The following OSBPL10 variants were observed in gnomAD, a reference collection of about 807,000 sequenced individuals.
The protein encoded by OSBPL10 is oxysterol-binding protein-related protein 10.
In OSBPL10, 49 loss-of-function variants were observed where a neutral mutation model predicts 81.7. The observed-to-expected ratio is 0.60, with a 90% CI of 0.48 to 0.76. The LOEUF (loss-of-function observed/expected upper bound fraction) is 0.76, where lower values mean the gene tolerates loss of function less well. Among genes scored for constraint, OSBPL10 ranks in the 30% least tolerant of loss-of-function variants. OSBPL10 has a pLI of 0.00. For synonymous variants in OSBPL10, 419 were observed against 383.6 expected (o/e 1.09, Z -1.08); for missense variants, 923 against 987.8 (o/e 0.93, Z 0.88).
chr3:31,852,236 G>T (rs1307246193), intron 3 of OSBPL10, among the ~76,000 whole-genome samples: 7 of 152,098 alleles, frequency 4.6e-5, no homozygotes, highest in Non-Finnish European at 1.0e-4. Flanking sequence ...TCTCAATGAG[G>T]GTGACTGTGC....
intron 2 of OSBPL10, among the ~76,000 whole-genome samples, chr3:32,010,639 G>A (rs914658464): frequency 6.6e-5 from 10 of 152,334 alleles, no homozygotes; most frequent in African/African-American, 1.4e-4. Context: ...GAAGCAGGGC[G>A]AGGCATCACT....
chr3:31,679,693 T>G (rs75040888), intron 8 of OSBPL10, among the ~76,000 whole-genome samples: 4,250 of 152,252 alleles, frequency 0.028, 200 homozygotes, highest in African/African-American at 0.096. Context: ...GGAATAAAAT[T>G]AAATAGAATG....
rs1017097403 is a variant in OSBPL10 at position 31,802,656 on chromosome 3, C to A, written c.729+27384G>T. ...TTCCCCTTCTTTTCAACAATTCCGG[C>A]CTGCCTCCAGCTCTTAGTAGGGCAT... On this transcript the variant is annotated intron_variant, in intron 4 of 11. Coordinates refer to ENST00000396556, the MANE Select transcript of OSBPL10 (RefSeq NM_017784.5). Among the ~76,000 whole-genome samples, 5 of 152,072 alleles carry A rather than the reference C, an allele frequency of 3.3e-5. No homozygotes were observed. In the East Asian group the frequency reaches 5.8e-4, roughly 18 times the overall value.
intron 5 of OSBPL10, among the ~76,000 whole-genome samples, chr3:31,744,551 A>AAAAAAAAAAAAAT (rs1697460892): frequency 1.3e-5 from 2 of 148,582 alleles, no homozygotes; most frequent in Non-Finnish European, 3.0e-5. Flanking sequence ...AAAAAAAAAA[A>AAAAAAAAAAAAAT]GGAAAGAAAG....
intron 3 of OSBPL10, among the ~76,000 whole-genome samples, chr3:31,834,095 G>A (rs1385398788): frequency 6.6e-6 from 1 of 152,150 alleles, no homozygotes; most frequent in Non-Finnish European, 1.5e-5. Context: ...AAGAACAAGT[G>A]AGAAAAGGCA....
chr3:32,073,014 G>A (rs952904972), intron 1 of OSBPL10, among the ~76,000 whole-genome samples: 1 of 152,238 alleles, frequency 6.6e-6, no homozygotes, highest in South Asian at 2.1e-4. Context: ...TTCAGGAAAG[G>A]TAGAACAGAC....
At chr3:32,029,796 C>T (rs1335590401) in intron 2 of OSBPL10, among the ~76,000 whole-genome samples, 1 of 152,144 alleles carries the variant, frequency 6.6e-6, no homozygotes, top group African/African-American at 2.4e-5. Context: ...GCCAGAGAAA[C>T]CACGTAAAGA....
chr3:32,074,185 C>G (rs1228012420), intron 1 of OSBPL10, among the ~76,000 whole-genome samples: 1 of 152,162 alleles, frequency 6.6e-6, no homozygotes, highest in Admixed American at 6.5e-5. Flanking sequence ...GCCTGAGGAA[C>G]TTCTTTACTT....
chr3:31,816,084 G>A (rs141691202), intron 4 of OSBPL10, among the ~76,000 whole-genome samples: 31 of 127,334 alleles, frequency 2.4e-4, no homozygotes, highest in Non-Finnish European at 4.3e-4. Flanking sequence ...TAATCGTCAG[G>A]AGGAAAGGTT....
chr3:31,695,211 T>C (rs1695677306), intron 7 of OSBPL10, among the ~76,000 whole-genome samples: 2 of 152,240 alleles, frequency 1.3e-5, no homozygotes, highest in East Asian at 1.9e-4. Context: ...CTGTGCTCTC[T>C]GAAAGGGTTC....
At chr3:31,729,855 CCACCACAA>C (rs1696914208) in intron 6 of OSBPL10, among the ~76,000 whole-genome samples, 1 of 152,186 alleles carries the variant, frequency 6.6e-6, no homozygotes, top group African/African-American at 2.4e-5. Context: ...CTAAGTGTGG[CCACCACAA>C]CACCACAACT....
At chr3:31,754,047 T>A (rs1384618229) in intron 4 of OSBPL10, among the ~76,000 whole-genome samples, 1 of 152,210 alleles carries the variant, frequency 6.6e-6, no homozygotes, top group Non-Finnish European at 1.5e-5. Context: ...AACAATTTTG[T>A]CTTCTCTCAA....
At chr3:31,925,746 G>C (rs909736648) in intron 1 of OSBPL10, among the ~76,000 whole-genome samples, 1 of 152,130 alleles carries the variant, frequency 6.6e-6, no homozygotes, top group Non-Finnish European at 1.5e-5. Context: ...CTGGGAGACG[G>C]AGGTTGCAGT....
At chr3:32,009,617 A>G (rs1165278805) in intron 2 of OSBPL10, among the ~76,000 whole-genome samples, 2 of 152,240 alleles carry the variant, frequency 1.3e-5, no homozygotes, top group African/African-American at 4.8e-5. Context: ...ATGATATTAT[A>G]TATAAAATCA....
At chr3:31,667,230 G>C (rs1374662222) in intron 10 of OSBPL10, among the ~76,000 whole-genome samples, 1 of 152,226 alleles carries the variant, frequency 6.6e-6, no homozygotes, top group African/African-American at 2.4e-5. Flanking sequence ...GCAAGGGGAT[G>C]GGTTTCCTTC....
intron 4 of OSBPL10, among the ~76,000 whole-genome samples, chr3:31,761,034 T>C (rs1382681167): frequency 6.6e-6 from 1 of 152,186 alleles, no homozygotes; most frequent in Non-Finnish European, 1.5e-5. Flanking sequence ...ATTTGTATTC[T>C]CAGTCGTGTG....
chr3:31,871,100 C>G (rs529884333), intron 3 of OSBPL10, among the ~76,000 whole-genome samples: 2 of 151,916 alleles, frequency 1.3e-5, no homozygotes, highest in African/African-American at 4.9e-5. Flanking sequence ...GCTGCCCAAA[C>G]CAGCAGTGGC....
intron 1 of OSBPL10, among the ~76,000 whole-genome samples, chr3:31,898,057 A>T (rs548494280): frequency 1.3e-5 from 2 of 150,164 alleles, no homozygotes; most frequent in Non-Finnish European, 1.5e-5. Flanking sequence ...AAGAGAAAGG[A>T]ATGATATTTT....
At chr3:32,075,186 C>G (rs1450329971) in intron 1 of OSBPL10, among the ~76,000 whole-genome samples, 1 of 152,230 alleles carries the variant, frequency 6.6e-6, no homozygotes, top group Non-Finnish European at 1.5e-5. Context: ...ATCTGTTCCT[C>G]AAGCCCAGGT....
Sources: gnomAD v4.1 joint callset for allele counts (sites outside exome capture counted in the v4.1 genomes callset) on GRCh38, gnomAD v4.1.1 for gene constraint, MANE v1.5 for transcripts, NCBI Gene and HGNC (gene_info 2026-07-23, HGNC 2026-07-21) for gene names.